The following WDHD1 variants were observed in gnomAD, a reference collection of about 807,000 sequenced individuals.
WDHD1 encodes the protein WD repeat and HMG-box DNA binding protein 1, also known as WD repeat and HMG-box DNA-binding protein 1.
WDHD1 carries 111 observed loss-of-function variants against 135.4 expected under a neutral mutation model. That is an observed-to-expected ratio of 0.82 (90% CI 0.70 to 0.96). The LOEUF is 0.96. Ranked by LOEUF, WDHD1 falls within the 40% of genes least tolerant of loss-of-function variation. WDHD1 has a pLI of 0.00. For missense variants in WDHD1, 1,351 were observed against 1,336.3 expected, an observed-to-expected ratio of 1.01 and a Z score of -0.17; for synonymous variants, 434 against 439.0, an observed-to-expected ratio of 0.99 and a Z score of 0.14.
At chr14:55,014,147 GC>G (rs2140227518) in intron 2 of WDHD1, among the ~76,000 whole-genome samples, 1 of 152,298 alleles carries the variant, frequency 6.6e-6, no homozygotes, top group African/African-American at 2.4e-5. Flanking sequence ...TGTTGCCTAG[GC>G]AGTATCATGA....
At chr14:54,964,060 ATCTTGCCACTGTAC>A (rs1296128734) in intron 18 of WDHD1, among the ~76,000 whole-genome samples, 2 of 152,172 alleles carry the variant, frequency 1.3e-5, no homozygotes, top group African/African-American at 4.8e-5. Context: ...GTGAGTTACA[ATCTTGCCACTGTAC>A]TCTAGCCTGG....
chr14:54,966,259 C>T (rs1275839462), intron 18 of WDHD1, among the ~76,000 whole-genome samples: 3 of 151,528 alleles, frequency 2.0e-5, no homozygotes, highest in East Asian at 3.9e-4. Context: ...TGCGTGAACC[C>T]GGGAGGCAGA....
chr14:54,984,953 A>C, intron 14 of WDHD1, 93 bp from the exon 15 acceptor site: 1 of 1,504,106 alleles, frequency 6.6e-7, no homozygotes, highest in Non-Finnish European at 9.0e-7. Context: ...TTTGTGGTAA[A>C]TTACTAGACT....
At position 54,995,821 on chromosome 14, in the gene WDHD1, A is replaced by T. The variant is rs770842839; in HGVS notation, c.943-8T>A. ...TTCCACTCTGCTAGATACCTTGAAC[A>T]AATTAATACAAATTATAAAGTAAAA... On this transcript the variant is annotated splice_polypyrimidine_tract_variant and splice_region_variant and intron_variant, in intron 10 of 25. Coordinates refer to ENST00000360586, the MANE Select transcript of WDHD1 (RefSeq NM_007086.4). 6.6e-7 allele frequency: 1 copy of T among 1,506,182 alleles called. No individual in the cohort carries two copies. The allele number at this position is 1,506,182 out of a possible 1,614,324, so 93.3% of individuals were successfully genotyped here. A position where few individuals can be genotyped will look rare whatever the true frequency, so the allele number is the denominator to read the frequency against.
At chr14:55,001,672 T>C (rs2041983233) in intron 8 of WDHD1, among the ~76,000 whole-genome samples, 1 of 152,238 alleles carries the variant, frequency 6.6e-6, no homozygotes, top group African/African-American at 2.4e-5. Flanking sequence ...AACTAGTAAG[T>C]GAAGTGAACT....
In WDHD1 at chr14:54,997,696, A is replaced by G. The variant is rs550885861; in HGVS notation, c.943-1883T>C. ...GGGAGGCCGAGGTGGGCAGATCACG[A>G]GGTCAGGAGATCGAGACCATCCTGG... On this transcript the variant is annotated intron_variant, in intron 10 of 25. Coordinates refer to ENST00000360586, the MANE Select transcript of WDHD1 (RefSeq NM_007086.4). 1.9e-3 allele frequency among the ~76,000 whole-genome samples: 287 copies of G among 149,848 alleles called. 1 individual carries two copies. Among genetic ancestry groups the G allele is most frequent in the Non-Finnish European group, 3.5e-3 (235 of 67,572 alleles).
At chr14:54,965,767 C>A (rs2041330318) in intron 18 of WDHD1, among the ~76,000 whole-genome samples, 1 of 151,714 alleles carries the variant, frequency 6.6e-6, no homozygotes. Context: ...ACCAGCCTGA[C>A]CAATGTGGTG....
rs2041869043 is a variant in WDHD1 at position 54,995,798 on chromosome 14, CCA to C, written c.956_957del (p.Val319GlyfsTer5). ...TCAAAAAGATCATTATAATCCTTTT[CCA>C]CTCTGCTAGATACCTTGAACAAATT... is the stretch of plus-strand genomic sequence containing the variant. Reference protein sequence around the residue: ...KTSSSKVSSRVEKDYNDLFDG... With the variant: ...KTSSSKVSSRXEKDYNDLFDG... On this transcript the variant is annotated frameshift_variant, in exon 11 of 26. Coordinates refer to ENST00000360586, the MANE Select transcript of WDHD1 (RefSeq NM_007086.4). LOFTEE classifies it high-confidence loss of function. 6.3e-7 allele frequency: 1 copy of C among 1,599,414 alleles called. No homozygotes were observed. Among genetic ancestry groups the C allele is most frequent in the Non-Finnish European group, 8.5e-7 (1 of 1,172,834 alleles).
intron 7 of WDHD1, 41 bp downstream of exon 7, chr14:55,007,239 A>T (rs928242089): frequency 4.4e-5 from 65 of 1,469,246 alleles, no homozygotes; most frequent in African/African-American, 8.7e-5. Context: ...AATAAAAAAA[A>T]AAAAAAAAAA....
intron 16 of WDHD1, among the ~76,000 whole-genome samples, chr14:54,980,426 C>A (rs1270854681): frequency 1.3e-5 from 2 of 152,102 alleles, no homozygotes; most frequent in Admixed American, 1.3e-4. Context: ...AAAAAGAAAT[C>A]CCATGCCACA....
intron 10 of WDHD1, among the ~76,000 whole-genome samples, chr14:54,996,577 G>A (rs1020999781): frequency 6.6e-5 from 10 of 152,086 alleles, no homozygotes; most frequent in African/African-American, 2.4e-4. Flanking sequence ...TCCAGCCTGG[G>A]TGACAGAGTG....
intron 2 of WDHD1, 46 bp from the exon 3 acceptor site, chr14:55,013,642 A>C: frequency 2.8e-6 from 4 of 1,423,570 alleles, no homozygotes; most frequent in Non-Finnish European, 4.0e-6. Context: ...ATGGTGTCTC[A>C]TGCCTATAAT....
intron 18 of WDHD1, among the ~76,000 whole-genome samples, chr14:54,966,146 G>GTTT (rs1295035561): frequency 7.5e-6 from 1 of 133,234 alleles, no homozygotes; most frequent in Non-Finnish European, 1.6e-5. Flanking sequence ...GGCCAACATA[G>GTTT]GGAAACCCCA....
Position 54,977,641 on chromosome 14 carries a change from C to A in WDHD1, c.2063+3899G>T, listed in dbSNP as rs7156068. Among the ~76,000 whole-genome samples the A allele has an allele frequency of 8.0e-3, 1,218 of 152,118 alleles. 16 individuals are homozygous for A. The highest frequency in any genetic ancestry group is 0.028 in the African/African-American group (1,163 of 41,510). On this transcript the variant is annotated intron_variant, in intron 16 of 25. Coordinates refer to ENST00000360586, the MANE Select transcript of WDHD1 (RefSeq NM_007086.4). ...TTAAAAAAGGACTCTTGTTCAAGTC[C>A]AGCCTGGATAACGTAAGGAGACCCT...
At chr14:55,026,311 G>A (rs1360629260) in intron 2 of WDHD1, among the ~76,000 whole-genome samples, 1 of 151,422 alleles carries the variant, frequency 6.6e-6, no homozygotes, top group Non-Finnish European at 1.5e-5. Flanking sequence ...GTTTTAAGCC[G>A]TCAAAAAGTT....
chr14:55,014,553 G>A (rs564001851), intron 2 of WDHD1, among the ~76,000 whole-genome samples: 2 of 152,260 alleles, frequency 1.3e-5, no homozygotes, highest in Non-Finnish European at 2.9e-5. Context: ...ATGAATAGAT[G>A]TATGAGCTCA....
chr14:54,968,309 G>A (rs1191262158), intron 16 of WDHD1, among the ~76,000 whole-genome samples: 1 of 152,024 alleles, frequency 6.6e-6, no homozygotes, highest in Non-Finnish European at 1.5e-5. Context: ...AATATTCTTT[G>A]AAATAAATGA....
At chr14:54,979,098 C>T (rs925926872) in intron 16 of WDHD1, among the ~76,000 whole-genome samples, 1 of 152,068 alleles carries the variant, frequency 6.6e-6, no homozygotes, top group Admixed American at 6.6e-5. Flanking sequence ...TAAAAAATCC[C>T]TTCAAAGACT....
chr14:54,995,520 T>C, intron 11 of WDHD1, 83 bp downstream of exon 11: 1 of 1,080,384 alleles, frequency 9.3e-7, no homozygotes, highest in Non-Finnish European at 1.3e-6. Flanking sequence ...TTCTACAAAT[T>C]CAATAATGAC....
Sources: gnomAD v4.1 joint callset for allele counts (sites outside exome capture counted in the v4.1 genomes callset) on GRCh38, gnomAD v4.1.1 for gene constraint, MANE v1.5 for transcripts, NCBI Gene and HGNC (gene_info 2026-07-23, HGNC 2026-07-21) for gene names.